RIMS1: variants seen among roughly 807,000 people sequenced by gnomAD.
RIMS1 encodes regulating synaptic membrane exocytosis 1, also known as regulating synaptic membrane exocytosis protein 1.
A neutral mutation model predicts 214.1 loss-of-function variants in RIMS1; 83 were observed. That is an observed-to-expected ratio of 0.39 (90% CI 0.32 to 0.47). The LOEUF (loss-of-function observed/expected upper bound fraction) is 0.47, where lower values mean the gene tolerates loss of function less well. Among genes scored for constraint, RIMS1 ranks in the 20% least tolerant of loss-of-function variants. The pLI, the probability that RIMS1 is intolerant of heterozygous loss-of-function variation, is 0.99. For missense variants in RIMS1, 2,050 were observed against 2,161.8 expected, an observed-to-expected ratio of 0.95 and a Z score of 1.03; for synonymous variants, 793 against 786.8, an observed-to-expected ratio of 1.01 and a Z score of -0.13.
chr6:72,019,182 T>C (rs1022806842), intron 2 of RIMS1, among the ~76,000 whole-genome samples: 6 of 152,208 alleles, frequency 3.9e-5, no homozygotes, highest in African/African-American at 9.6e-5. Context: ...AATACTTATA[T>C]GAATTTTGAA....
chr6:72,051,519 C>T (rs569768971), intron 2 of RIMS1, among the ~76,000 whole-genome samples: 3 of 152,210 alleles, frequency 2.0e-5, no homozygotes, highest in Admixed American at 2.0e-4. Context: ...TAACTACTTC[C>T]TCTTGACGCT....
chr6:71,889,635 G>A lies in RIMS1; in HGVS notation c.164+2448G>A, dbSNP rs558352520. On this transcript the variant is annotated intron_variant, in intron 1 of 33. Transcript: ENST00000521978. ...GCATGTCATATTGTCTGCAATTAGT[G>A]GAAAAGTGCTGTAATTTTTTTTTAT... 2.0e-5 allele frequency among the ~76,000 whole-genome samples: 3 copies of A among 151,996 alleles called. No individual in the cohort carries two copies. The East Asian group carries it at 5.8e-4, about 29-fold the overall frequency.
intron 23 of RIMS1, among the ~76,000 whole-genome samples, chr6:72,275,196 T>C (rs2085714035): frequency 7.2e-6 from 1 of 139,644 alleles, no homozygotes; most frequent in Non-Finnish European, 1.5e-5. Flanking sequence ...TATCTTTAAA[T>C]GTGTTTTCCT....
chr6:71,985,078 G>A (rs540114766), intron 2 of RIMS1, among the ~76,000 whole-genome samples: 2 of 152,190 alleles, frequency 1.3e-5, no homozygotes, highest in Non-Finnish European at 2.9e-5. Flanking sequence ...AGTTTAAATA[G>A]GGCTATTATT....
In RIMS1 at chr6:72,104,070, A is replaced by T. The variant is rs75746810; in HGVS notation, c.471+4084A>T. 4.9e-3 allele frequency among the ~76,000 whole-genome samples: 748 copies of T among 152,226 alleles called. 5 individuals carry two copies. The highest frequency in any genetic ancestry group is 0.017 in the African/African-American group (713 of 41,546). On this transcript the variant is annotated intron_variant, in intron 4 of 33. Transcript: ENST00000521978. The stretch of plus-strand genomic sequence containing the variant: ...CTTTATTTCTCTAAATTAGAATTAT[A>T]TAGGTACTTATTAATCCGTATAAGT...
chr6:71,921,233 G>T (rs1360691394), intron 1 of RIMS1, among the ~76,000 whole-genome samples: 1 of 152,128 alleles, frequency 6.6e-6, no homozygotes, highest in Non-Finnish European at 1.5e-5. Flanking sequence ...CAATTCTCCT[G>T]CCTCAGCCTC....
chr6:72,148,691 C>T (rs1226882191), intron 4 of RIMS1: 1 of 431,944 alleles, frequency 2.3e-6, no homozygotes, highest in Non-Finnish European at 4.5e-6. Flanking sequence ...TGTCACTAAC[C>T]TTTGGGTTTG....
intron 4 of RIMS1, among the ~76,000 whole-genome samples, chr6:72,171,678 T>C (rs2047056533): frequency 6.6e-6 from 1 of 152,100 alleles, no homozygotes; most frequent in Non-Finnish European, 1.5e-5. Context: ...TGCAAGTAAG[T>C]GGATTGACAG....
chr6:72,258,883 A>G (rs997130044), intron 17 of RIMS1, 103 bp from the exon 18 acceptor site: 61 of 1,046,040 alleles, frequency 5.8e-5, no homozygotes, highest in Non-Finnish European at 8.5e-5. Context: ...AATACTTTTC[A>G]GTGTTTATTT....
intron 6 of RIMS1, among the ~76,000 whole-genome samples, chr6:72,200,523 G>A (rs2051757636): frequency 6.6e-6 from 1 of 152,114 alleles, no homozygotes; most frequent in African/African-American, 2.4e-5. Flanking sequence ...ATTGCCATAG[G>A]GAAACATTTG....
chr6:72,088,320 C>T (rs901391885), intron 2 of RIMS1, among the ~76,000 whole-genome samples: 3 of 151,854 alleles, frequency 2.0e-5, no homozygotes, highest in African/African-American at 7.3e-5. Context: ...CTGATCTCGG[C>T]TCACTGCAAC....
chr6:72,080,739 C>G (rs376808615), intron 2 of RIMS1, among the ~76,000 whole-genome samples: 2 of 152,210 alleles, frequency 1.3e-5, no homozygotes, highest in African/African-American at 4.8e-5. Flanking sequence ...TTCACACTTG[C>G]TGCATCCTCT....
At chr6:72,368,445 C>T (rs968500326) in intron 29 of RIMS1, among the ~76,000 whole-genome samples, 10 of 143,712 alleles carry the variant, frequency 7.0e-5, no homozygotes, top group South Asian at 4.7e-4. Context: ...GGGACTACCA[C>T]GCCCAGATAA....
At chr6:72,102,716 T>C (rs1185218607) in intron 4 of RIMS1, among the ~76,000 whole-genome samples, 1 of 152,004 alleles carries the variant, frequency 6.6e-6, no homozygotes, top group African/African-American at 2.4e-5. Flanking sequence ...GGTTGATTCT[T>C]AACAGCTTAA....
chr6:72,202,809 T>TCA (rs2052239904), intron 6 of RIMS1, among the ~76,000 whole-genome samples: 1 of 140,180 alleles, frequency 7.1e-6, no homozygotes, highest in South Asian at 2.4e-4. Flanking sequence ...AGCCAGAGAC[T>TCA]GATAACCCAG....
intron 4 of RIMS1, among the ~76,000 whole-genome samples, chr6:72,143,648 T>G (rs2042349977): frequency 1.3e-5 from 2 of 152,188 alleles, no homozygotes. Context: ...TGAACCAGCC[T>G]TCTATCACGC....
intron 6 of RIMS1, among the ~76,000 whole-genome samples, chr6:72,225,787 C>A (rs937364634): frequency 2.6e-5 from 4 of 152,158 alleles, no homozygotes; most frequent in Non-Finnish European, 1.5e-5. Context: ...CAGCACTTCC[C>A]AAATTCTTAT....
intron 4 of RIMS1, among the ~76,000 whole-genome samples, chr6:72,178,752 T>C (rs1395224746): frequency 1.3e-5 from 2 of 152,232 alleles, no homozygotes; most frequent in Non-Finnish European, 2.9e-5. Flanking sequence ...TTTATTATGA[T>C]AATCGTCCTC....
chr6:71,975,875 T>G (rs1797007525), intron 2 of RIMS1, among the ~76,000 whole-genome samples: 1 of 152,148 alleles, frequency 6.6e-6, no homozygotes, highest in African/African-American at 2.4e-5. Flanking sequence ...TTTTCTAGAC[T>G]CAGAGCTTGT....
Sources: gnomAD v4.1 joint callset for allele counts (sites outside exome capture counted in the v4.1 genomes callset) on GRCh38, gnomAD v4.1.1 for gene constraint, MANE v1.5 for transcripts, NCBI Gene and HGNC (gene_info 2026-07-23, HGNC 2026-07-21) for gene names.